Variants in KCNJ6 observed in about 807,000 individuals in gnomAD.
The protein encoded by KCNJ6 is potassium inwardly rectifying channel subfamily J member 6.
KCNJ6 carries 9 observed loss-of-function variants against 34.2 expected under a neutral mutation model. The ratio of observed to expected loss-of-function variants is 0.26; its 90% CI spans 0.16 to 0.46. KCNJ6 has a LOEUF of 0.46. Among genes scored for constraint, KCNJ6 ranks in the 20% least tolerant of loss-of-function variants. KCNJ6 has a pLI of 1.00. For missense variants in KCNJ6, 236 were observed against 531.3 expected (o/e 0.44, Z 5.46); for synonymous variants, 196 against 207.1 (o/e 0.95, Z 0.46).
intron 1 of KCNJ6, among the ~76,000 whole-genome samples, chr21:37,862,373 C>T (rs1427820758): frequency 6.6e-6 from 1 of 152,212 alleles, no homozygotes; most frequent in Non-Finnish European, 1.5e-5. Flanking sequence ...TAAATGTCAC[C>T]TTTATACACA....
At chr21:37,655,219 GTGTGT>G (rs1569438941) in intron 3 of KCNJ6, among the ~76,000 whole-genome samples, 984 of 91,140 alleles carry the variant, frequency 0.011, 14 homozygotes, top group South Asian at 0.015. Context: ...GTGTGTGTGT[GTGTGT>G]GAGAGAGAGA....
intron 2 of KCNJ6, among the ~76,000 whole-genome samples, chr21:37,803,283 T>C (rs1048531313): frequency 1.3e-5 from 2 of 152,154 alleles, no homozygotes; most frequent in Non-Finnish European, 2.9e-5. Flanking sequence ...ATTTCCCATT[T>C]TAGTGCCTTC....
chr21:37,749,985 A>T (rs1013793932), intron 2 of KCNJ6, among the ~76,000 whole-genome samples: 13 of 152,370 alleles, frequency 8.5e-5, no homozygotes, highest in African/African-American at 3.1e-4. Context: ...TGGGCTAAAA[A>T]GTCACAGACC....
chr21:37,816,512 C>T (rs753959846), intron 2 of KCNJ6, among the ~76,000 whole-genome samples: 26 of 152,342 alleles, frequency 1.7e-4, no homozygotes, highest in East Asian at 3.9e-4. Flanking sequence ...ATTTTCTCTC[C>T]TCCTCGCCCA....
At chr21:37,709,324 C>T (rs1215308495) in intron 3 of KCNJ6, among the ~76,000 whole-genome samples, 2 of 151,946 alleles carry the variant, frequency 1.3e-5, no homozygotes, top group African/African-American at 4.8e-5. Context: ...CCAGCCTGAC[C>T]AACACGGAGA....
At chr21:37,770,927 C>G (rs955299846) in intron 2 of KCNJ6, among the ~76,000 whole-genome samples, 2 of 152,072 alleles carry the variant, frequency 1.3e-5, no homozygotes, top group African/African-American at 4.8e-5. Context: ...TAATGGTTAA[C>G]TTTATATCTC....
chr21:37,843,395 T>C (rs2055490737), intron 1 of KCNJ6, among the ~76,000 whole-genome samples: 1 of 152,224 alleles, frequency 6.6e-6, no homozygotes, highest in Non-Finnish European at 1.5e-5. Context: ...GACTCATCTA[T>C]ATCATAACTT....
intron 2 of KCNJ6, among the ~76,000 whole-genome samples, chr21:37,780,128 T>A (rs1001292239): frequency 6.6e-6 from 1 of 151,862 alleles, no homozygotes; most frequent in Admixed American, 6.6e-5. Context: ...TATTCAGCAA[T>A]AAAAAGACAT....
chr21:37,738,537 T>C (rs1424410035), intron 2 of KCNJ6, among the ~76,000 whole-genome samples: 1 of 152,252 alleles, frequency 6.6e-6, no homozygotes, highest in African/African-American at 2.4e-5. Flanking sequence ...TGTCTCGACT[T>C]TGCCTTGCCT....
intron 3 of KCNJ6, among the ~76,000 whole-genome samples, chr21:37,654,628 C>T (rs2835871): frequency 0.16 from 23,810 of 152,022 alleles, 3,031 homozygotes; most frequent in African/African-American, 0.34. Context: ...TTAATGTCTC[C>T]GTTGAGCTTC....
In KCNJ6 at chr21:37,812,636, C is replaced by T. The variant is rs191749405; in HGVS notation, c.25+28022G>A. Among the ~76,000 whole-genome samples, 224 of 152,254 alleles carry T rather than the reference C, an allele frequency of 1.5e-3. 1 individual carries two copies. The highest frequency in any genetic ancestry group is 5.0e-3 in the African/African-American group (209 of 41,542). ...CATACGCAAATCAATCAATGTGATA[C>T]ATCATATCAACAGAATGAGGGACAA... On this transcript the variant is annotated intron_variant, in intron 2 of 3. Coordinates refer to ENST00000609713, the MANE Select transcript of KCNJ6 (RefSeq NM_002240.5).
At chr21:37,879,412 G>A (rs1454970843) in intron 1 of KCNJ6, among the ~76,000 whole-genome samples, 2 of 152,078 alleles carry the variant, frequency 1.3e-5, no homozygotes, top group East Asian at 3.9e-4. Context: ...TGATTATGAG[G>A]CTTCTCTGCA....
chr21:37,892,556 G>C (rs1245041190), intron 1 of KCNJ6, among the ~76,000 whole-genome samples: 3 of 152,166 alleles, frequency 2.0e-5, no homozygotes, highest in Non-Finnish European at 4.4e-5. Flanking sequence ...GTATTGAGAA[G>C]ACAGGCTGCT....
At position 37,882,934 on chromosome 21, in the gene KCNJ6, TTGTG is replaced by T. The variant is rs145161139; in HGVS notation, c.-28+32946_-28+32949del. Among the ~76,000 whole-genome samples the T allele has an allele frequency of 1.7e-3, 251 of 152,018 alleles. 4 individuals carry two copies. The highest frequency in any genetic ancestry group is 1.2e-3 in the South Asian group (6 of 4,810). ...TGTGCAAACAAGTGGGCATGCACATTTGTGTGTGTGTGTGCACTCATGAGTGATA... is the reference window on the plus strand; with the variant it reads ...TGTGCAAACAAGTGGGCATGCACATTTGTGTGTGTGCACTCATGAGTGATA... On this transcript the variant is annotated intron_variant, in intron 1 of 3. Coordinates refer to ENST00000609713, the MANE Select transcript of KCNJ6 (RefSeq NM_002240.5).
intron 2 of KCNJ6, among the ~76,000 whole-genome samples, chr21:37,822,562 G>A (rs905931201): frequency 6.6e-6 from 1 of 152,188 alleles, no homozygotes; most frequent in African/African-American, 2.4e-5. Flanking sequence ...CGCCTTCTGT[G>A]TTCCTACTCA....
intron 2 of KCNJ6, among the ~76,000 whole-genome samples, chr21:37,779,756 G>T (rs1482982531): frequency 1.3e-5 from 2 of 152,192 alleles, no homozygotes; most frequent in East Asian, 1.9e-4. Context: ...AACCTTGAAG[G>T]TTTGCTTGTA....
chr21:37,790,442 C>A (rs1308326620), intron 2 of KCNJ6, among the ~76,000 whole-genome samples: 1 of 152,152 alleles, frequency 6.6e-6, no homozygotes, highest in East Asian at 1.9e-4. Context: ...CGAATACTTC[C>A]CATGAATTGT....
At chr21:37,776,602 A>G (rs1242500480) in intron 2 of KCNJ6, among the ~76,000 whole-genome samples, 2 of 152,174 alleles carry the variant, frequency 1.3e-5, no homozygotes, top group Non-Finnish European at 2.9e-5. Flanking sequence ...ATCTATTGAG[A>G]TAATCACGTG....
intron 3 of KCNJ6, among the ~76,000 whole-genome samples, chr21:37,662,505 C>T (rs1431871641): frequency 6.6e-6 from 1 of 152,174 alleles, no homozygotes; most frequent in Non-Finnish European, 1.5e-5. Context: ...TTTATCCAGT[C>T]TATCATTGTG....
Sources: allele counts gnomAD v4.1 joint callset (sites outside exome capture counted in the v4.1 genomes callset), GRCh38; gene constraint gnomAD v4.1.1; transcripts MANE v1.5; gene names NCBI Gene and HGNC (gene_info 2026-07-23, HGNC 2026-07-21).